SIPA1L2: variants seen among roughly 807,000 people sequenced by gnomAD.
The protein encoded by SIPA1L2 is signal induced proliferation associated 1 like 2.
In SIPA1L2, 56 loss-of-function variants were observed where a neutral mutation model predicts 163.9. The observed-to-expected ratio is 0.34, with a 90% confidence interval of 0.28 to 0.43. The LOEUF is 0.43. SIPA1L2 is among the 20% of genes least tolerant of loss of function. The pLI, the probability that SIPA1L2 is intolerant of heterozygous loss-of-function variation, is 1.00. For synonymous variants in SIPA1L2, 877 were observed against 865.7 expected (o/e 1.01, Z -0.23); for missense variants, 1,974 against 2,193.5 (o/e 0.90, Z 2.00).
At position 232,564,850 on chromosome 1, in the gene SIPA1L2, G is replaced by T. The variant is rs1032129540; in HGVS notation, c.-270+9324C>A. Among the ~76,000 whole-genome samples, 4 of 151,988 alleles carry T rather than the reference G, an allele frequency of 2.6e-5. No individual in the cohort carries two copies. The South Asian group carries it at 8.3e-4, about 32-fold the overall frequency. On this transcript the variant is annotated intron_variant, in intron 2 of 22. Coordinates refer to ENST00000674635, the MANE Select transcript of SIPA1L2 (RefSeq NM_020808.5). ...CTCTCATAAGTGGGACCTGAACAAC[G>T]AGAACACATGGACATAGGGAGGGGA...
At position 232,572,706 on chromosome 1, in the gene SIPA1L2, TATATATATATAC is replaced by T. The variant is rs201598312; in HGVS notation, c.-270+1456_-270+1467del. Among the ~76,000 whole-genome samples the T allele has an allele frequency of 2.2e-3, 167 of 77,468 alleles. 6 individuals are homozygous for T. In the East Asian group the frequency reaches 0.06, roughly 28 times the overall value. The allele number at this position is 77,468 out of a possible 152,430, so 50.8% of individuals were successfully genotyped here. On this transcript the variant is annotated intron_variant, in intron 2 of 22. Coordinates refer to ENST00000674635, the MANE Select transcript of SIPA1L2 (RefSeq NM_020808.5). The stretch of plus-strand genomic sequence containing the variant: ...ACACATATACATACATATATATATA[TATATATATATAC>T]ACACATATATACATACATACATATA...
chr1:232,610,660 C>A (rs1662191874), intron 1 of SIPA1L2, among the ~76,000 whole-genome samples: 1 of 152,108 alleles, frequency 6.6e-6, no homozygotes, highest in African/African-American at 2.4e-5. Flanking sequence ...CGAACTCAGG[C>A]ACCTGGGCCT....
chr1:232,539,013 C>G (rs2103102408), intron 2 of SIPA1L2, among the ~76,000 whole-genome samples: 1 of 152,340 alleles, frequency 6.6e-6, no homozygotes, highest in East Asian at 1.9e-4. Flanking sequence ...GTTTTGATTG[C>G]TGGGGGAAGT....
chr1:232,526,457 C>CTCTA (rs1253970453), intron 2 of SIPA1L2, among the ~76,000 whole-genome samples: 1 of 152,188 alleles, frequency 6.6e-6, no homozygotes, highest in Non-Finnish European at 1.5e-5. Context: ...GATCATGAGA[C>CTCTA]ATTAGAGTGC....
intron 2 of SIPA1L2, among the ~76,000 whole-genome samples, chr1:232,559,737 T>C (rs535651571): frequency 4.6e-5 from 7 of 152,180 alleles, no homozygotes; most frequent in Non-Finnish European, 8.8e-5. Flanking sequence ...ACTATATATG[T>C]AATATATTAC....
rs761807611 is a variant in SIPA1L2, at chr1:232,464,941, A to G, written c.2719T>C (p.Leu907=). 6.2e-7 allele frequency: 1 copy of G among 1,614,228 alleles called. No homozygotes were observed. Among genetic ancestry groups the G allele is most frequent in the South Asian group, 1.1e-5 (1 of 91,074 alleles). ...TCGTAAAACACTTTGATACTCACTAATCCAGATGTCCACCCAATCACATCC... is the reference window on the plus strand; with the variant it reads ...TCGTAAAACACTTTGATACTCACTAGTCCAGATGTCCACCCAATCACATCC... ...CRDVIGWTSG[L]VSIKVFYERG... The change falls in exon 9 of 23, where the codon TTA becomes CTA. Residue 907 remains leucine, a synonymous_variant. Transcript: ENST00000674635.
chr1:232,452,949 T>C (rs1405574508), intron 10 of SIPA1L2, among the ~76,000 whole-genome samples: 6 of 152,180 alleles, frequency 3.9e-5, no homozygotes, highest in Non-Finnish European at 8.8e-5. Flanking sequence ...CAAATAGACA[T>C]TATTACTTCT....
chr1:232,553,449 G>A (rs1051456782), intron 2 of SIPA1L2, among the ~76,000 whole-genome samples: 3 of 152,150 alleles, frequency 2.0e-5, no homozygotes, highest in African/African-American at 7.2e-5. Context: ...CCCACTTAGG[G>A]CCGTGGATTT....
At chr1:232,448,270 C>T (rs1277868686) in intron 10 of SIPA1L2, among the ~76,000 whole-genome samples, 2 of 152,134 alleles carry the variant, frequency 1.3e-5, no homozygotes, top group African/African-American at 2.4e-5. Context: ...GGCAAGGACA[C>T]GGGAAGACTA....
chr1:232,621,485 A>T (rs1012416670), intron 1 of SIPA1L2, among the ~76,000 whole-genome samples: 1 of 152,232 alleles, frequency 6.6e-6, no homozygotes, highest in Non-Finnish European at 1.5e-5. Context: ...AACCAAGAGA[A>T]ATGGGTTTAA....
At chr1:232,456,361 G>T (rs758445445) in intron 10 of SIPA1L2, among the ~76,000 whole-genome samples, 4 of 152,114 alleles carry the variant, frequency 2.6e-5, no homozygotes, top group Non-Finnish European at 2.9e-5. Flanking sequence ...AACAGGAGAT[G>T]AGAACATAAA....
intron 3 of SIPA1L2, among the ~76,000 whole-genome samples, chr1:232,499,888 G>A (rs766122713): frequency 7.2e-5 from 11 of 152,206 alleles, no homozygotes; most frequent in Admixed American, 2.6e-4. Context: ...AAACCCTAGG[G>A]CCCTTAAAAA....
At chr1:232,497,478 C>T (rs1220841624) in intron 3 of SIPA1L2, among the ~76,000 whole-genome samples, 3 of 152,108 alleles carry the variant, frequency 2.0e-5, no homozygotes, top group Non-Finnish European at 4.4e-5. Context: ...CTCAAGTCAT[C>T]ATCCTTCTCT....
chr1:232,568,725 T>A (rs988239060), intron 2 of SIPA1L2, among the ~76,000 whole-genome samples: 28 of 152,086 alleles, frequency 1.8e-4, no homozygotes, highest in African/African-American at 6.8e-4. Context: ...TAACACATTA[T>A]CTCTTTCTAT....
intron 6 of SIPA1L2, among the ~76,000 whole-genome samples, chr1:232,483,500 A>T (rs1665474612): frequency 6.6e-6 from 1 of 152,192 alleles, no homozygotes; most frequent in Non-Finnish European, 1.5e-5. Context: ...AGGTTAGGGT[A>T]AAAGAAAGAA....
At chr1:232,628,401 A>G (rs1480311444) in intron 1 of SIPA1L2, among the ~76,000 whole-genome samples, 11 of 152,256 alleles carry the variant, frequency 7.2e-5, no homozygotes, top group African/African-American at 2.7e-4. Context: ...ATACTCTCTT[A>G]TAACTCTGAA....
At chr1:232,426,126 T>C (rs17178818) in intron 17 of SIPA1L2, among the ~76,000 whole-genome samples, 23,992 of 152,098 alleles carry the variant, frequency 0.16, 2,165 homozygotes, top group Non-Finnish European at 0.2. Flanking sequence ...GTTCCTGGAG[T>C]TATATAAGGT....
intron 8 of SIPA1L2, among the ~76,000 whole-genome samples, chr1:232,467,466 AT>A (rs1291913187): frequency 6.6e-6 from 1 of 152,126 alleles, no homozygotes; most frequent in Non-Finnish European, 1.5e-5. Context: ...GAATTAATTT[AT>A]CCCCCACAAT....
chr1:232,588,499 G>A (rs1281366847), intron 1 of SIPA1L2, among the ~76,000 whole-genome samples: 1 of 152,108 alleles, frequency 6.6e-6, no homozygotes, highest in Non-Finnish European at 1.5e-5. Flanking sequence ...TTTTCTAAGT[G>A]GCCAATGCAT....
Sources: allele counts gnomAD v4.1 joint callset (sites outside exome capture counted in the v4.1 genomes callset), GRCh38; gene constraint gnomAD v4.1.1; transcripts MANE v1.5; gene names NCBI Gene and HGNC (gene_info 2026-07-23, HGNC 2026-07-21).